Variants in KLHL13 observed in about 807,000 individuals in gnomAD.
KLHL13 encodes kelch like family member 13.
In KLHL13, 10 loss-of-function variants were observed where a neutral mutation model predicts 37.1. The ratio of observed to expected loss-of-function variants is 0.27; its 90% CI spans 0.17 to 0.46. The LOEUF (loss-of-function observed/expected upper bound fraction) is 0.46, where lower values mean the gene tolerates loss of function less well. Ranked by LOEUF, KLHL13 falls within the 20% of genes least tolerant of loss-of-function variation. The probability of loss-of-function intolerance (pLI) is 1.00; values close to 1 mark genes in which losing one functional copy is unlikely to be tolerated. For missense variants in KLHL13, 360 were observed against 509.3 expected (o/e 0.71, Z 2.82); for synonymous variants, 163 against 181.2 (o/e 0.90, Z 0.81).
At chrX:117,985,702 C>T (rs1051451212) in intron 1 of KLHL13, among the ~76,000 whole-genome samples, 2 of 110,389 alleles carry the variant, frequency 1.8e-5, no homozygotes, top group Non-Finnish European at 3.8e-5. Context: ...CTGAAAGTAA[C>T]CTTATTTTTT....
chrX:117,972,801 G>A, exon 1 of KLHL13: 1 of 1,211,463 alleles, frequency 8.3e-7, no homozygotes, highest in Non-Finnish European at 1.1e-6. Flanking sequence ...CAGATAGCAG[G>A]AGAGCTCGTT....
At chrX:118,111,698 CTGGCTAACA>C (rs1349591682) in intron 1 of KLHL13, among the ~76,000 whole-genome samples, 2 of 112,454 alleles carry the variant, frequency 1.8e-5, no homozygotes, top group African/African-American at 6.5e-5. Flanking sequence ...CGAGACCATC[CTGGCTAACA>C]TGGTGAAACC....
chrX:118,108,195 T>C (rs1011021367), intron 1 of KLHL13, among the ~76,000 whole-genome samples: 1 of 112,230 alleles, frequency 8.9e-6, no homozygotes, highest in Admixed American at 9.5e-5. Context: ...TTATCTCCTT[T>C]TACTGAATAG....
chrX:117,960,550 A>G (rs2053278991), intron 1 of KLHL13, among the ~76,000 whole-genome samples: 1 of 112,296 alleles, frequency 8.9e-6, no homozygotes, highest in South Asian at 3.7e-4. Context: ...AGCAACAACC[A>G]CATAATCATA....
At chrX:118,007,750 G>C (rs2054003281) in intron 1 of KLHL13, among the ~76,000 whole-genome samples, 1 of 111,153 alleles carries the variant, frequency 9.0e-6, no homozygotes, top group African/African-American at 3.3e-5. Context: ...GAAGGGAGGA[G>C]GACACATTGC....
At chrX:117,970,300 AC>A (rs1229446619) in intron 1 of KLHL13, among the ~76,000 whole-genome samples, 1 of 112,182 alleles carries the variant, frequency 8.9e-6, no homozygotes, top group East Asian at 2.8e-4. Context: ...AAGCATACGT[AC>A]AAAAAGATCT....
chrX:118,053,765 TTGTGTGTG>T (rs774059071), intron 1 of KLHL13, among the ~76,000 whole-genome samples: 1 of 67,941 alleles, frequency 1.5e-5, no homozygotes. Flanking sequence ...CAATCTCAAT[TTGTGTGTG>T]TGTGTGTGTG....
At chrX:118,001,751 G>A (rs147419981) in intron 1 of KLHL13, among the ~76,000 whole-genome samples, 1,798 of 109,593 alleles carry the variant, frequency 0.016, 34 homozygotes, top group African/African-American at 0.056. Flanking sequence ...TGTGGTCTCA[G>A]CTACTCAGGA....
At chrX:117,998,480 A>T (rs757444345) in intron 1 of KLHL13, among the ~76,000 whole-genome samples, 24 of 108,314 alleles carry the variant, frequency 2.2e-4, no homozygotes, top group Non-Finnish European at 3.7e-4. Flanking sequence ...AAGAGATTCT[A>T]AAAAAAAACA....
intron 2 of KLHL13, 107 bp downstream of exon 3, chrX:117,945,327 C>T: frequency 1.3e-6 from 1 of 764,597 alleles, no homozygotes; most frequent in Middle Eastern, 3.2e-4. Flanking sequence ...TTCCTATTCA[C>T]ACATACACAC....
At chrX:117,907,324 A>T (rs1459444036) in intron 5 of KLHL13, among the ~76,000 whole-genome samples, 1 of 111,481 alleles carries the variant, frequency 9.0e-6, no homozygotes, top group Non-Finnish European at 1.9e-5. Context: ...AAAAACTCCC[A>T]GAAGAATATG....
chrX:118,029,049 G>A (rs186623212), intron 1 of KLHL13, among the ~76,000 whole-genome samples: 1 of 111,085 alleles, frequency 9.0e-6, no homozygotes, highest in African/African-American at 3.3e-5. Flanking sequence ...TATAGGGTTC[G>A]GTACTCTCCA....
intron 1 of KLHL13, among the ~76,000 whole-genome samples, chrX:118,003,323 C>A (rs1183402234): frequency 2.7e-5 from 3 of 111,283 alleles, no homozygotes; most frequent in Non-Finnish European, 5.6e-5. Context: ...TCAAAACCAG[C>A]CTGGACAACA....
chrX:118,082,346 C>T (rs1205849824), intron 1 of KLHL13, among the ~76,000 whole-genome samples: 1 of 111,571 alleles, frequency 9.0e-6, no homozygotes, highest in Non-Finnish European at 1.9e-5. Context: ...ATTTGCATTT[C>T]TCTGATGACT....
intron 1 of KLHL13, among the ~76,000 whole-genome samples, chrX:118,111,468 T>C (rs1230154860): frequency 3.5e-5 from 4 of 113,032 alleles, no homozygotes; most frequent in East Asian, 5.6e-4. Context: ...AAACAAATTG[T>C]GGGCCTAGGC....
chrX:117,996,341 T>A (rs1445756919), intron 1 of KLHL13, among the ~76,000 whole-genome samples: 1 of 111,997 alleles, frequency 8.9e-6, no homozygotes, highest in African/African-American at 3.2e-5. Context: ...TAAAGCTACA[T>A]GACTAACTTC....
chrX:118,017,499 C>T (rs1343642135), intron 1 of KLHL13, among the ~76,000 whole-genome samples: 17 of 111,046 alleles, frequency 1.5e-4, no homozygotes, highest in Admixed American at 5.8e-4. Flanking sequence ...TATTGCAGGA[C>T]GTCAGGCAAA....
chrX:117,923,739 A>T (rs147731133), intron 2 of KLHL13, among the ~76,000 whole-genome samples: 1 of 111,502 alleles, frequency 9.0e-6, no homozygotes, highest in Non-Finnish European at 1.9e-5. Context: ...TTCCATTCAA[A>T]CTGCTTGTGG....
chrX:118,049,720 A>C (rs2054594486), intron 1 of KLHL13, among the ~76,000 whole-genome samples: 1 of 111,632 alleles, frequency 9.0e-6, no homozygotes, highest in African/African-American at 3.3e-5. Flanking sequence ...TTTTAAGTAC[A>C]TGATCAGCCT....
Sources: allele counts gnomAD v4.1 joint callset (sites outside exome capture counted in the v4.1 genomes callset), GRCh38; gene constraint gnomAD v4.1.1; transcripts MANE v1.5; gene names NCBI Gene and HGNC (gene_info 2026-07-23, HGNC 2026-07-21).